GJC1: variants seen among roughly 807,000 people sequenced by gnomAD.
The protein encoded by GJC1 is gap junction gamma-1 protein.
A neutral mutation model predicts 29.3 loss-of-function variants in GJC1; 5 were observed. That is an observed-to-expected ratio of 0.17 (90% CI 0.09 to 0.36). The LOEUF (loss-of-function observed/expected upper bound fraction) is 0.36. Ranked by LOEUF, GJC1 falls within the 10% of genes least tolerant of loss-of-function variation. The probability of loss-of-function intolerance (pLI) is 1.00; values close to 1 mark genes in which losing one functional copy is unlikely to be tolerated. For synonymous variants in GJC1, 177 were observed against 183.3 expected (o/e 0.97, Z 0.28); for missense variants, 310 against 496.2 (o/e 0.62, Z 3.56).
At chr17:44,825,186 T>A (rs1597761616) in intron 1 of GJC1, among the ~76,000 whole-genome samples, 1 of 24,136 alleles carries the variant, frequency 4.1e-5, no homozygotes, top group Non-Finnish European at 6.8e-5. Flanking sequence ...CTGTCTCAAT[T>A]ACAAAAAAAA....
chr17:44,813,142 G>A (rs1190448753), intron 1 of GJC1: 1 of 149,910 alleles, frequency 6.7e-6, no homozygotes, highest in African/African-American at 2.5e-5. Context: ...AATCTCAGCT[G>A]ACTGTAGCCT....
chr17:44,825,188 C>CAA (rs1162077867), intron 1 of GJC1, among the ~76,000 whole-genome samples: 1,422 of 45,974 alleles, frequency 0.031, 297 homozygotes, highest in Middle Eastern at 0.045. Context: ...GTCTCAATTA[C>CAA]AAAAAAAAAA....
downstream of GJC1, chr17:44,798,428 A>T (rs1036916182): frequency 6.6e-6 from 1 of 152,240 alleles, no homozygotes; most frequent in African/African-American, 2.4e-5. Flanking sequence ...AATTCTGAGA[A>T]AGGAAACACA....
chr17:44,823,558 CCTTT>C (rs1443515131), intron 1 of GJC1, among the ~76,000 whole-genome samples: 1 of 151,066 alleles, frequency 6.6e-6, no homozygotes, highest in Non-Finnish European at 1.5e-5. Context: ...CCTCTTTCCT[CCTTT>C]TTTTTAAAAT....
intron 1 of GJC1, among the ~76,000 whole-genome samples, chr17:44,816,742 T>G (rs2050047762): frequency 6.6e-6 from 1 of 151,606 alleles, no homozygotes; most frequent in South Asian, 2.1e-4. Context: ...CTGACTTAAC[T>G]GATCCCTCTG....
chr17:44,804,297 T>G lies in GJC1; in HGVS notation c.*330A>C. 1 of 206,616 alleles carries G rather than the reference T, an allele frequency of 4.8e-6. No homozygotes were observed. Among genetic ancestry groups the G allele is most frequent in the Non-Finnish European group, 9.4e-6 (1 of 106,020 alleles). 12.8% of individuals were successfully genotyped at this position (206,616 alleles called of 1,614,324 possible). On this transcript the variant is annotated 3_prime_UTR_variant, in exon 3 of 3. Coordinates refer to ENST00000592524, the MANE Select transcript of GJC1 (RefSeq NM_005497.4). Reference sequence around the variant, plus strand: ...TGTACAAATACAAAAAAAGTTCTCATACTAAAAAAAAAAAAGTACCATAAT... The same window carrying G: ...TGTACAAATACAAAAAAAGTTCTCAGACTAAAAAAAAAAAAGTACCATAAT...
downstream of GJC1, chr17:44,795,190 G>A (rs913230937): frequency 5.9e-5 from 9 of 152,102 alleles, no homozygotes; most frequent in African/African-American, 2.2e-4. Flanking sequence ...TTTCACATGG[G>A]CCTAGTCATA....
At chr17:44,827,035 T>C (rs1013259908) in intron 1 of GJC1, among the ~76,000 whole-genome samples, 4 of 152,020 alleles carry the variant, frequency 2.6e-5, no homozygotes, top group Admixed American at 1.3e-4. Context: ...TCTGGTCGAG[T>C]GCGGTGGCTC....
intron 1 of GJC1, among the ~76,000 whole-genome samples, chr17:44,824,153 G>A (rs910194830): frequency 4.6e-5 from 7 of 151,652 alleles, no homozygotes; most frequent in Admixed American, 1.3e-4. Context: ...GATTACAGGC[G>A]CGCGCCACCA....
At chr17:44,820,776 T>C (rs779780050) in intron 1 of GJC1, among the ~76,000 whole-genome samples, 6 of 152,148 alleles carry the variant, frequency 3.9e-5, no homozygotes, top group Non-Finnish European at 8.8e-5. Context: ...CAGGAATCAA[T>C]TAAAGGGTTT....
intron 1 of GJC1, among the ~76,000 whole-genome samples, chr17:44,812,267 G>T (rs1443257090): frequency 6.6e-6 from 1 of 152,138 alleles, no homozygotes; most frequent in Non-Finnish European, 1.5e-5. Context: ...AGAGGCTGCA[G>T]TGAGTCGAGA....
chr17:44,795,445 G>T (rs1261677411), downstream of GJC1, among the ~76,000 whole-genome samples: 1 of 152,156 alleles, frequency 6.6e-6, no homozygotes, highest in East Asian at 1.9e-4. Context: ...TCTTGGCCAG[G>T]CTGGTCTTGG....
intron 1 of GJC1, among the ~76,000 whole-genome samples, chr17:44,827,458 A>C (rs1199647854): frequency 1.3e-5 from 2 of 152,214 alleles, no homozygotes; most frequent in Non-Finnish European, 2.9e-5. Flanking sequence ...AGAAATAAGT[A>C]ATCATACCCC....
At chr17:44,823,253 T>TTTTTTG (rs2050132911) in intron 1 of GJC1, among the ~76,000 whole-genome samples, 1 of 147,788 alleles carries the variant, frequency 6.8e-6, no homozygotes, top group African/African-American at 2.6e-5. Context: ...TTCCTGTTTT[T>TTTTTTG]TTTTTTTTTT....
intron 1 of GJC1, among the ~76,000 whole-genome samples, chr17:44,826,540 A>G (rs931902938): frequency 6.6e-6 from 1 of 152,008 alleles, no homozygotes; most frequent in African/African-American, 2.4e-5. Context: ...AAAAAAAAAA[A>G]AAAAAGTAAA....
At position 44,802,651 on chromosome 17, in the gene GJC1, T is replaced by C. The variant is rs1037323008; in HGVS notation, c.*1976A>G. 1 of 142,076 alleles carries C rather than the reference T, an allele frequency of 7.0e-6. No homozygotes were observed. Among genetic ancestry groups the C allele is most frequent in the Non-Finnish European group, 1.5e-5 (1 of 66,776 alleles). 8.8% of individuals were successfully genotyped at this position (142,076 alleles called of 1,614,324 possible). On this transcript the variant is annotated 3_prime_UTR_variant, in exon 3 of 3. Transcript: ENST00000592524. ...GCTTCTCTAGGCTAAAATTTAAAGA[T>C]TTTTTTTTAAAAAAGCAAATAAAAG...
chr17:44,804,962 C>G lies in GJC1; in HGVS notation c.856G>C (p.Ala286Pro). ...NYPFTWNTPS[A>P]PPGYNIAVKP... ...ACAGCAATGTTATAGCCAGGGGGAG[C>G]AGATGGTGTATTCCAAGTGAAAGGA... is the stretch of plus-strand genomic sequence containing the variant. Residue 286 changes from alanine to proline, a missense_variant, in exon 3 of 3, where the codon GCT (alanine) becomes CCT (proline). Physicochemically the swap from Ala to Pro is conservative, Grantham distance 27. Around this residue, in one of 4 missense-constraint regions of GJC1, gnomAD observed 146 missense variants for 165.0 expected, o/e 0.88. Coordinates refer to ENST00000592524, the MANE Select transcript of GJC1 (RefSeq NM_005497.4). The G allele has an allele frequency of 6.2e-7, 1 of 1,614,050 alleles. No individual in the cohort carries two copies. The highest frequency in any genetic ancestry group is 8.5e-7 in the Non-Finnish European group (1 of 1,179,966).
chr17:44,814,417 G>C (rs1333612653), intron 1 of GJC1, among the ~76,000 whole-genome samples: 1 of 152,134 alleles, frequency 6.6e-6, no homozygotes, highest in Non-Finnish European at 1.5e-5. Context: ...TGGGATTACA[G>C]GCGTGAGCCA....
intron 1 of GJC1, chr17:44,829,733 TCCGGGCTCC>T (rs941369143): frequency 2.0e-5 from 3 of 151,848 alleles, no homozygotes; most frequent in African/African-American, 7.3e-5. Flanking sequence ...GCCGCTTCTG[TCCGGGCTCC>T]CCGACCGTCG....
Sources: gnomAD v4.1 joint callset for allele counts (sites outside exome capture counted in the v4.1 genomes callset) on GRCh38, gnomAD v4.1.1 for gene constraint, gnomAD v4.1.1 regional missense constraint, MANE v1.5 for transcripts, NCBI Gene and HGNC (gene_info 2026-07-23, HGNC 2026-07-21) for gene names.